SLC30A8: variants seen among roughly 807,000 people sequenced by gnomAD.
SLC30A8 encodes the protein proton-coupled zinc antiporter SLC30A8.
Under a neutral mutation model 36.9 loss-of-function variants are expected in SLC30A8, and 27 were observed. That is an observed-to-expected ratio of 0.73 (90% CI 0.54 to 1.01). The LOEUF (loss-of-function observed/expected upper bound fraction) is 1.01. Among genes scored for constraint, SLC30A8 ranks in the 50% least tolerant of loss-of-function variants. SLC30A8 has a pLI of 0.00. For missense variants in SLC30A8, 439 were observed against 452.0 expected (o/e 0.97, Z 0.26); for synonymous variants, 164 against 172.4 (o/e 0.95, Z 0.38).
At chr8:117,105,779 C>G (rs1819967776) in intron 2 of SLC30A8, among the ~76,000 whole-genome samples, 1 of 152,160 alleles carries the variant, frequency 6.6e-6, no homozygotes, top group Non-Finnish European at 1.5e-5. Flanking sequence ...AAAGTGCCTT[C>G]ACAGCTGCAC....
intron 1 of SLC30A8, among the ~76,000 whole-genome samples, chr8:116,970,492 G>C (rs1814755585): frequency 6.6e-6 from 1 of 152,108 alleles, no homozygotes; most frequent in Non-Finnish European, 1.5e-5. Context: ...GTACATAATT[G>C]TATGTGCTAT....
intron 2 of SLC30A8, among the ~76,000 whole-genome samples, chr8:117,119,659 G>A (rs148048697): frequency 2.6e-4 from 40 of 151,950 alleles, no homozygotes; most frequent in African/African-American, 4.3e-4. Context: ...AATATATAAC[G>A]CCTTATCCTT....
chr8:117,083,392 A>G (rs2130814755), intron 2 of SLC30A8, among the ~76,000 whole-genome samples: 1 of 152,286 alleles, frequency 6.6e-6, no homozygotes, highest in East Asian at 1.9e-4. Flanking sequence ...GGGTCAAGCT[A>G]ATCAAATGAC....
At chr8:117,051,801 A>G (rs990299777) in intron 2 of SLC30A8, among the ~76,000 whole-genome samples, 3 of 151,764 alleles carry the variant, frequency 2.0e-5, no homozygotes, top group Admixed American at 6.6e-5. Flanking sequence ...CGACAGAATG[A>G]GACTCTGTTT....
At chr8:117,004,741 C>T (rs766825643) in intron 1 of SLC30A8, among the ~76,000 whole-genome samples, 3 of 152,108 alleles carry the variant, frequency 2.0e-5, no homozygotes, top group Non-Finnish European at 2.9e-5. Flanking sequence ...TGAATGTCTG[C>T]ACTGATTAGA....
intron 1 of SLC30A8, among the ~76,000 whole-genome samples, chr8:117,017,122 T>C (rs1489438128): frequency 6.6e-6 from 1 of 152,264 alleles, no homozygotes; most frequent in East Asian, 1.9e-4. Flanking sequence ...TAGTGTCTCA[T>C]TTATAGGGTT....
chr8:116,960,585 C>T lies in SLC30A8; in HGVS notation c.-266+9466C>T, dbSNP rs142642398. On this transcript the variant is annotated intron_variant, in intron 1 of 10. Coordinates refer to the SLC30A8 transcript ENST00000427715. ...TCCATAGACTTGTCTCCACATACAACGTCGCAGTAAGAGGTAGAAATAGTA... is the reference window on the plus strand; with the variant it reads ...TCCATAGACTTGTCTCCACATACAATGTCGCAGTAAGAGGTAGAAATAGTA... 5.8e-4 allele frequency among the ~76,000 whole-genome samples: 89 copies of T among 152,308 alleles called. 1 individual carries two copies. The highest frequency in any genetic ancestry group is 1.9e-3 in the African/African-American group (80 of 41,564).
chr8:117,127,309 C>A (rs1479006441), intron 2 of SLC30A8, among the ~76,000 whole-genome samples: 4 of 152,006 alleles, frequency 2.6e-5, no homozygotes, highest in Admixed American at 1.3e-4. Context: ...CTTACTTTTT[C>A]TTTGGTAATC....
At chr8:116,985,663 A>G (rs1348501234) in intron 1 of SLC30A8, among the ~76,000 whole-genome samples, 1 of 152,182 alleles carries the variant, frequency 6.6e-6, no homozygotes, top group Non-Finnish European at 1.5e-5. Context: ...TTCTTTAAAA[A>G]TGGAGCATCA....
rs61537395 is a variant in SLC30A8, at chr8:117,139,859, TAAAAAAA to T, written c.71+4474_71+4480del. ...GCAGGGAAAGTCAGACAACATCTGG[TAAAAAAA>T]AAAAAAAAAAAAGTAGAAACAGTCC... is the stretch of plus-strand genomic sequence containing the variant. On this transcript the variant is annotated intron_variant, in intron 1 of 7. Coordinates refer to ENST00000456015, the MANE Select transcript of SLC30A8 (RefSeq NM_173851.3). 6.4e-5 allele frequency among the ~76,000 whole-genome samples: 7 copies of T among 109,726 alleles called. No homozygotes were observed. In the East Asian group the frequency reaches 1.7e-3, roughly 27 times the overall value. 72.0% of individuals were successfully genotyped at this position (109,726 alleles called of 152,430 possible).
At chr8:117,066,423 A>G (rs1033173192) in intron 2 of SLC30A8, among the ~76,000 whole-genome samples, 1 of 152,216 alleles carries the variant, frequency 6.6e-6, no homozygotes, top group African/African-American at 2.4e-5. Flanking sequence ...CTGGTGATCC[A>G]GGTGCTGCTT....
At chr8:117,061,536 G>A (rs1362179315) in intron 2 of SLC30A8, among the ~76,000 whole-genome samples, 2 of 152,118 alleles carry the variant, frequency 1.3e-5, no homozygotes, top group East Asian at 3.8e-4. Context: ...TGTATCCTAG[G>A]CTGTTTCCAT....
chr8:117,048,225 C>A (rs1467450136), intron 2 of SLC30A8, among the ~76,000 whole-genome samples: 1 of 152,138 alleles, frequency 6.6e-6, no homozygotes, highest in Admixed American at 6.5e-5. Context: ...ACTTTAGTAG[C>A]ATTCTGTGCC....
intron 1 of SLC30A8, among the ~76,000 whole-genome samples, chr8:117,136,917 C>T (rs969644935): frequency 6.6e-6 from 1 of 151,948 alleles, no homozygotes; most frequent in Non-Finnish European, 1.5e-5. Context: ...ATTTTCTTGT[C>T]AAGGGAAATA....
intron 6 of SLC30A8, among the ~76,000 whole-genome samples, chr8:117,167,492 TACATAC>T (rs141405818): frequency 0.031 from 4,607 of 149,274 alleles, 248 homozygotes; most frequent in African/African-American, 0.092. Context: ...TATATATATA[TACATAC>T]ATACATGTAT....
upstream of SLC30A8, among the ~76,000 whole-genome samples, chr8:117,130,537 T>C (rs962811875): frequency 1.3e-5 from 2 of 151,998 alleles, no homozygotes; most frequent in African/African-American, 4.8e-5. Flanking sequence ...ATTATTATTA[T>C]TAAATTTGAG....
At chr8:117,066,780 G>C (rs772007090) in intron 2 of SLC30A8, among the ~76,000 whole-genome samples, 1 of 151,954 alleles carries the variant, frequency 6.6e-6, no homozygotes, top group Non-Finnish European at 1.5e-5. Context: ...TAGATTTCCA[G>C]GCATCATCTC....
chr8:117,006,033 T>C (rs552699470), intron 1 of SLC30A8, among the ~76,000 whole-genome samples: 1 of 152,342 alleles, frequency 6.6e-6, no homozygotes, highest in Admixed American at 6.5e-5. Flanking sequence ...AGTCAAACTA[T>C]TGTGAAAAAT....
chr8:117,161,881 A>G lies in SLC30A8; in HGVS notation c.716A>G (p.Tyr239Cys). Residue 239 changes from tyrosine to cysteine, a missense_variant, in exon 5 of 8, where the codon TAC becomes TGC. By Grantham distance (194) the Tyr-to-Cys change is radical. Transcript: ENST00000456015. ...GTGCTAATTAGTGCACTTATTATCT[A>G]CTTTAAGGTGAGTTTGAGTTTACCC... ...ISVLISALII[Y>C]FKPEYKIADP... 6 of 1,611,716 alleles carry G rather than the reference A, an allele frequency of 3.7e-6. No homozygotes were observed. Among genetic ancestry groups the G allele is most frequent in the Non-Finnish European group, 5.1e-6 (6 of 1,178,408 alleles).
Sources: gnomAD v4.1 joint callset for allele counts (sites outside exome capture counted in the v4.1 genomes callset) on GRCh38, gnomAD v4.1.1 for gene constraint, MANE v1.5 for transcripts, NCBI Gene and HGNC (gene_info 2026-07-23, HGNC 2026-07-21) for gene names.